LRP1B: variants seen among roughly 807,000 people sequenced by gnomAD.
The protein encoded by LRP1B is LDL receptor related protein 1B.
Under a neutral mutation model 556.6 loss-of-function variants are expected in LRP1B, and 217 were observed. The ratio of observed to expected loss-of-function variants is 0.39; its 90% CI spans 0.35 to 0.44. The LOEUF (loss-of-function observed/expected upper bound fraction) is 0.44, where lower values mean the gene tolerates loss of function less well. Among genes scored for constraint, LRP1B ranks in the 20% least tolerant of loss-of-function variants. The pLI is 1.00. For missense variants in LRP1B, 5,053 were observed against 5,620.8 expected (o/e 0.90, Z 3.23); for synonymous variants, 2,047 against 1,865.8 (o/e 1.10, Z -2.50).
chr2:140,381,090 C>G (rs564800109), intron 67 of LRP1B, among the ~76,000 whole-genome samples: 9 of 152,062 alleles, frequency 5.9e-5, no homozygotes, highest in African/African-American at 2.2e-4. Flanking sequence ...TATTTCTAAC[C>G]ATCATTCATA....
chr2:141,618,786 T>A lies in LRP1B; in HGVS notation c.206-138253A>T, dbSNP rs185524989. ...GAATATATGGACCTAGATGGCTAAATGTCACCCTTCTGCACCTCATGTGAT... is the reference window on the plus strand; with the variant it reads ...GAATATATGGACCTAGATGGCTAAAAGTCACCCTTCTGCACCTCATGTGAT... On this transcript the variant is annotated intron_variant, in intron 2 of 90. Transcript: ENST00000389484. Among the ~76,000 whole-genome samples, 43 of 152,366 alleles carry A rather than the reference T, an allele frequency of 2.8e-4. 1 individual carries two copies. In the East Asian group the frequency reaches 7.3e-3, roughly 26 times the overall value.
chr2:141,025,906 G>C lies in LRP1B; in HGVS notation c.1790-5804C>G, dbSNP rs1274475880. ...AAAACACTGAAAAGTATATATTTCA[G>C]AGGACAAAATAGCTTTCAATTAAAG... is the stretch of plus-strand genomic sequence containing the variant. On this transcript the variant is annotated intron_variant, in intron 11 of 90. Coordinates refer to ENST00000389484, the MANE Select transcript of LRP1B (RefSeq NM_018557.3). Among the ~76,000 whole-genome samples the C allele has an allele frequency of 2.0e-5, 3 of 152,138 alleles. No homozygotes were observed. The East Asian group carries it at 5.8e-4, about 29-fold the overall frequency.
intron 20 of LRP1B, among the ~76,000 whole-genome samples, chr2:140,928,136 C>A (rs1206775535): frequency 6.6e-6 from 1 of 151,900 alleles, no homozygotes; most frequent in Non-Finnish European, 1.5e-5. Flanking sequence ...CACCATGGAA[C>A]CATGTGTTCA....
rs1215540646 is a variant in LRP1B at position 141,015,865 on chromosome 2, CCCA to C, written c.2018_2020del (p.Val673del). The C allele has an allele frequency of 3.7e-6, 6 of 1,613,638 alleles. No individual in the cohort carries two copies. Among genetic ancestry groups the C allele is most frequent in the Non-Finnish European group, 5.1e-6 (6 of 1,179,766 alleles). On this transcript the variant is annotated inframe_deletion, in exon 13 of 91. Transcript: ENST00000389484. ...ATCCATCCAGGCCTTCTCAATCCTT[CCCA>C]CGCTGTCATCTATTTCATCTTCCTC...
At chr2:142,083,516 G>C (rs1237695039) in intron 1 of LRP1B, among the ~76,000 whole-genome samples, 2 of 152,144 alleles carry the variant, frequency 1.3e-5, no homozygotes, top group Non-Finnish European at 2.9e-5. Context: ...AGTTTATCAT[G>C]TAAGTATGTG....
intron 10 of LRP1B, 115 bp from the exon 11 acceptor site, chr2:141,049,337 T>A: frequency 2.8e-6 from 2 of 716,918 alleles, no homozygotes; most frequent in South Asian, 1.7e-5. Flanking sequence ...ATGCTAAAAA[T>A]TAAACTCTAA....
intron 68 of LRP1B, among the ~76,000 whole-genome samples, chr2:140,376,798 C>T (rs952412669): frequency 6.6e-6 from 1 of 152,126 alleles, no homozygotes; most frequent in Admixed American, 6.6e-5. Context: ...TCCAGTCCTA[C>T]AGGGAATGCC....
intron 1 of LRP1B, among the ~76,000 whole-genome samples, chr2:141,919,548 G>A (rs562317803): frequency 5.3e-5 from 8 of 152,100 alleles, no homozygotes; most frequent in Admixed American, 2.6e-4. Flanking sequence ...TGTGAAACAG[G>A]TGTCAATATG....
rs569094276 is a variant in LRP1B at position 142,115,810 on chromosome 2, C to A, written c.82+14838G>T. On this transcript the variant is annotated intron_variant, in intron 1 of 90. Transcript: ENST00000389484. Reference sequence around the variant, plus strand: ...TATATCATATATATGTAATATATATCATATATATGTAATATATATCATATA... The same window carrying A: ...TATATCATATATATGTAATATATATAATATATATGTAATATATATCATATA... Among the ~76,000 whole-genome samples the A allele has an allele frequency of 8.6e-3, 37 of 4,280 alleles. 14 individuals are homozygous for A. The highest frequency in any genetic ancestry group is 0.014 in the African/African-American group (18 of 1,292). 2.8% of individuals were successfully genotyped at this position (4,280 alleles called of 152,430 possible).
intron 2 of LRP1B, among the ~76,000 whole-genome samples, chr2:141,698,251 G>A (rs1043500067): frequency 6.6e-6 from 1 of 151,762 alleles, no homozygotes; most frequent in African/African-American, 2.4e-5. Flanking sequence ...ACAGTTGTGA[G>A]CAAGGCAAAA....
chr2:141,337,214 T>C (rs1687878564), intron 3 of LRP1B, among the ~76,000 whole-genome samples: 1 of 152,220 alleles, frequency 6.6e-6, no homozygotes, highest in Admixed American at 6.5e-5. Context: ...TGTTATCAGA[T>C]ATTTTTTCTT....
intron 11 of LRP1B, among the ~76,000 whole-genome samples, chr2:141,039,518 T>C (rs1051299253): frequency 7.9e-5 from 12 of 152,028 alleles, no homozygotes; most frequent in African/African-American, 2.9e-4. Context: ...TATGGGACTT[T>C]AGAGATTACC....
chr2:141,493,025 T>C (rs1245479243), intron 2 of LRP1B, among the ~76,000 whole-genome samples: 1 of 152,174 alleles, frequency 6.6e-6, no homozygotes, highest in Non-Finnish European at 1.5e-5. Flanking sequence ...GAGTACTTCC[T>C]ATGTTCCAGG....
chr2:140,912,743 A>T (rs752623733), intron 21 of LRP1B, among the ~76,000 whole-genome samples: 42 of 151,840 alleles, frequency 2.8e-4, no homozygotes, highest in Admixed American at 1.1e-3. Flanking sequence ...AAATTTTTTA[A>T]AAAAAATCCC....
chr2:140,989,943 C>T (rs925830961), intron 16 of LRP1B, among the ~76,000 whole-genome samples: 11 of 151,936 alleles, frequency 7.2e-5, no homozygotes, highest in African/African-American at 1.7e-4. Context: ...TGGTGGCTCA[C>T]GCCTGTAATC....
At chr2:141,103,168 C>G (rs955669522) in intron 7 of LRP1B, among the ~76,000 whole-genome samples, 1 of 151,802 alleles carries the variant, frequency 6.6e-6, no homozygotes, top group Non-Finnish European at 1.5e-5. Flanking sequence ...AAAGGTAACT[C>G]TAAATATCTT....
chr2:142,004,223 A>C (rs147694235), intron 1 of LRP1B, among the ~76,000 whole-genome samples: 1 of 152,280 alleles, frequency 6.6e-6, no homozygotes, highest in African/African-American at 2.4e-5. Flanking sequence ...AAATGACCAC[A>C]GAATTATGAG....
rs138635264 is a variant in LRP1B at position 141,309,038 on chromosome 2, G to A, written c.344-54397C>T. Reference sequence around the variant, plus strand: ...TCCAGGTAATCCAGCTTCAAATTGAGGATTTGTTTTGTAGCACATTGAATT... The same window carrying A: ...TCCAGGTAATCCAGCTTCAAATTGAAGATTTGTTTTGTAGCACATTGAATT... On this transcript the variant is annotated intron_variant, in intron 3 of 90. Transcript: ENST00000389484. 4.8e-3 allele frequency among the ~76,000 whole-genome samples: 730 copies of A among 152,248 alleles called. 6 individuals are homozygous for A. The highest frequency in any genetic ancestry group is 0.017 in the African/African-American group (699 of 41,548).
chr2:140,433,699 A>AGAG (rs1219334872), intron 66 of LRP1B, among the ~76,000 whole-genome samples: 1 of 152,216 alleles, frequency 6.6e-6, no homozygotes, highest in African/African-American at 2.4e-5. Flanking sequence ...AGTTTAAGTC[A>AGAG]GAGACCTGAT....
Sources: gnomAD v4.1 joint callset for allele counts (sites outside exome capture counted in the v4.1 genomes callset) on GRCh38, gnomAD v4.1.1 for gene constraint, MANE v1.5 for transcripts, NCBI Gene and HGNC (gene_info 2026-07-23, HGNC 2026-07-21) for gene names.